PCSK1: variants seen among roughly 807,000 people sequenced by gnomAD.
The protein encoded by PCSK1 is neuroendocrine convertase 1.
A neutral mutation model predicts 90.6 loss-of-function variants in PCSK1; 56 were observed. The ratio of observed to expected loss-of-function variants is 0.62; its 90% CI spans 0.50 to 0.77. The LOEUF is 0.77. Among genes scored for constraint, PCSK1 ranks in the 30% least tolerant of loss-of-function variants. The pLI is 0.00. For synonymous variants in PCSK1, 348 were observed against 342.4 expected (o/e 1.02, Z -0.18); for missense variants, 801 against 932.6 (o/e 0.86, Z 1.84).
intron 9 of PCSK1, among the ~76,000 whole-genome samples, chr5:96,403,989 A>G (rs1295596121): frequency 6.6e-6 from 1 of 152,224 alleles, no homozygotes; most frequent in Admixed American, 6.5e-5. Context: ...TTCCTCACCT[A>G]TTAAAAATTA....
Position 96,392,938 on chromosome 5 carries a change from C to G in PCSK1, c.*63G>C. On this transcript the variant is annotated 3_prime_UTR_variant, in exon 14 of 14. Transcript: ENST00000311106. ...CATGACAAAACAACCACTTCAGACA[C>G]AGGCAAAATCGCAGGGTAAGGAAGA... 1 of 1,550,898 alleles carries G rather than the reference C, an allele frequency of 6.4e-7. No individual in the cohort carries two copies. Among genetic ancestry groups the G allele is most frequent in the Non-Finnish European group, 8.9e-7 (1 of 1,123,902 alleles).
rs868707256 is a variant in PCSK1, at chr5:96,426,024, C to T, written c.286-94G>A. 4.4e-5 allele frequency: 33 copies of T among 746,430 alleles called. 1 individual carries two copies. The Middle Eastern group carries it at 9.9e-4, about 22-fold the overall frequency. 46.2% of individuals were successfully genotyped at this position (746,430 alleles called of 1,614,324 possible). Reference sequence around the variant, plus strand: ...CTCCAGTACCCTTCCCATCAGAGTTCAGGCAGCTCTGCAATATTTTCATTT... The same window carrying T: ...CTCCAGTACCCTTCCCATCAGAGTTTAGGCAGCTCTGCAATATTTTCATTT... On this transcript the variant is annotated intron_variant, in intron 2 of 13. Coordinates refer to ENST00000311106, the MANE Select transcript of PCSK1 (RefSeq NM_000439.5).
chr5:96,415,408 G>A (rs1002378913), intron 6 of PCSK1, among the ~76,000 whole-genome samples: 1 of 152,150 alleles, frequency 6.6e-6, no homozygotes, highest in East Asian at 1.9e-4. Context: ...GCTCCTTGAG[G>A]CTAAAGGTGA....
intron 3 of PCSK1, among the ~76,000 whole-genome samples, chr5:96,423,900 G>T (rs2112441265): frequency 6.6e-6 from 1 of 152,310 alleles, no homozygotes; most frequent in African/African-American, 2.4e-5. Context: ...GAATGTTTTA[G>T]AATTTTTATT....
In PCSK1 at chr5:96,393,193, A is replaced by C. The variant is rs1760011397; in HGVS notation, c.2070T>G (p.Ser690Arg). 3 of 1,613,998 alleles carry C rather than the reference A, an allele frequency of 1.9e-6. No individual in the cohort carries two copies. In the African/African-American group the frequency reaches 4.0e-5, roughly 22 times the overall value. Residue 690 changes from serine (S) to arginine (R), a missense_variant, in exon 14 of 14, where the codon AGT (serine) becomes AGG (arginine). Coordinates refer to ENST00000311106, the MANE Select transcript of PCSK1 (RefSeq NM_000439.5). ...TTTCATAAGGGATGTTGAGCTTTGC[A>C]CTTGGGGACTTCTTTGGTGATTGCT... ...PPKQSPKKSPSAKLNIPYENF... is the reference protein window; with the variant it reads ...PPKQSPKKSPRAKLNIPYENF...
chr5:96,412,756 T>TG (rs372848830), intron 6 of PCSK1, among the ~76,000 whole-genome samples: 37 of 142,300 alleles, frequency 2.6e-4, no homozygotes, highest in African/African-American at 1.0e-3. Flanking sequence ...TGTGATGTTT[T>TG]TTTTTTTTTT....
chr5:96,430,606 G>C (rs1761460326), intron 1 of PCSK1, among the ~76,000 whole-genome samples: 1 of 152,088 alleles, frequency 6.6e-6, no homozygotes, highest in Admixed American at 6.5e-5. Flanking sequence ...ACCCAATATA[G>C]TAATGCTAAA....
At chr5:96,413,773 C>A (rs1333206491) in intron 6 of PCSK1, among the ~76,000 whole-genome samples, 1 of 142,494 alleles carries the variant, frequency 7.0e-6, no homozygotes, top group Non-Finnish European at 1.5e-5. Flanking sequence ...TGCACTCCAG[C>A]CTGGGCAACA....
At chr5:96,399,808 C>A in intron 10 of PCSK1, 145 bp downstream of exon 10, 1 of 688,034 alleles carries the variant, frequency 1.5e-6, no homozygotes, top group African/African-American at 1.8e-5. Flanking sequence ...AGTTAGTCCC[C>A]ATGGATACCC....
At chr5:96,395,108 A>C in intron 12 of PCSK1, 83 bp from the exon 13 acceptor site, 3 of 1,081,330 alleles carry the variant, frequency 2.8e-6, no homozygotes, top group Non-Finnish European at 4.3e-6. Context: ...AAAGGATTTC[A>C]TTGTTAAAAT....
intron 1 of PCSK1, among the ~76,000 whole-genome samples, chr5:96,431,051 T>G (rs1340111288): frequency 6.6e-6 from 1 of 152,198 alleles, no homozygotes; most frequent in Non-Finnish European, 1.5e-5. Flanking sequence ...CGGTTACCAG[T>G]GCTATTTAGC....
intron 2 of PCSK1, among the ~76,000 whole-genome samples, chr5:96,427,489 T>A (rs1354133869): frequency 6.6e-6 from 1 of 152,192 alleles, no homozygotes; most frequent in East Asian, 1.9e-4. Context: ...GGTTCCAGAA[T>A]GTTTCCTAAA....
rs774690560 is a variant in PCSK1 at position 96,393,201 on chromosome 5, A to G, written c.2062T>C (p.Ser688Pro). The G allele has an allele frequency of 6.2e-7, 1 of 1,613,874 alleles. No homozygotes were observed. The highest frequency in any genetic ancestry group is 1.1e-5 in the South Asian group (1 of 91,042). ...NSPPKQSPKK[S>P]PSAKLNIPYE... ...GGGATGTTGAGCTTTGCACTTGGGG[A>G]CTTCTTTGGTGATTGCTTTGGCGGT... is the stretch of plus-strand genomic sequence containing the variant. Residue 688 changes from serine to proline, a missense_variant, in exon 14 of 14, where the codon TCC becomes CCC. Physicochemically the swap from Ser to Pro is moderately conservative, Grantham distance 74. Coordinates refer to ENST00000311106, the MANE Select transcript of PCSK1 (RefSeq NM_000439.5).
At chr5:96,421,597 T>C (rs1442997404) in intron 5 of PCSK1, among the ~76,000 whole-genome samples, 2 of 152,226 alleles carry the variant, frequency 1.3e-5, no homozygotes, top group Non-Finnish European at 2.9e-5. Context: ...GTACTCTTTA[T>C]GTCTCAAACA....
rs147016634 is a variant in PCSK1 at position 96,393,006 on chromosome 5, T to G, written c.2257A>C (p.Asn753His). 121 of 1,614,142 alleles carry G rather than the reference T, an allele frequency of 7.5e-5. No homozygotes were observed. The African/African-American group carries it at 1.4e-3, about 18-fold the overall frequency. Residue 753 changes from asparagine (N) to histidine (H), a missense_variant, in exon 14 of 14, where the codon AAT (asparagine) becomes CAT (histidine). By Grantham distance (68) the Asn-to-His change is moderately conservative. Transcript: ENST00000311106. ...QALVDILNEE[N>H] The stretch of plus-strand genomic sequence containing the variant: ...CTTGGGACCACACACTTATTTTAAT[T>G]TTCCTCATTCAGAATGTCCACCAGA...
intron 11 of PCSK1, among the ~76,000 whole-genome samples, chr5:96,397,971 C>T (rs1207561282): frequency 6.6e-6 from 1 of 151,824 alleles, no homozygotes; most frequent in Non-Finnish European, 1.5e-5. Context: ...GTATTAATTT[C>T]TTAAAGATAT....
At position 96,393,363 on chromosome 5, in the gene PCSK1, C is replaced by G. The variant is rs763774085; in HGVS notation, c.1900G>C (p.Glu634Gln). The G allele has an allele frequency of 1.4e-5, 23 of 1,613,838 alleles. No individual in the cohort carries two copies. The South Asian group carries it at 2.4e-4, about 17-fold the overall frequency. The change falls in exon 14 of 14, where the codon GAG (glutamate) becomes CAG (glutamine). Residue 634 changes from glutamate (E) to glutamine (Q), a missense_variant. Coordinates refer to ENST00000311106, the MANE Select transcript of PCSK1 (RefSeq NM_000439.5). ...VDPGEEQPTQENPKENTLVSK... is the reference protein window; with the variant it reads ...VDPGEEQPTQQNPKENTLVSK... ...ACCAGGGTGTTCTCCTTAGGGTTCT[C>G]TTGTGTGGGCTGCTCCTAAAACATA... is the stretch of plus-strand genomic sequence containing the variant.
chr5:96,419,772 A>G (rs1761061441), intron 5 of PCSK1, among the ~76,000 whole-genome samples: 1 of 151,946 alleles, frequency 6.6e-6, no homozygotes, highest in Non-Finnish European at 1.5e-5. Flanking sequence ...CAGGGAAATT[A>G]TATTTTATTT....
chr5:96,416,197 G>T, intron 5 of PCSK1, 76 bp from the exon 6 acceptor site: 1 of 978,956 alleles, frequency 1.0e-6, no homozygotes, highest in Non-Finnish European at 1.6e-6. Flanking sequence ...GAATTAATGG[G>T]GCATAGGTAT....
Sources: allele counts gnomAD v4.1 joint callset (sites outside exome capture counted in the v4.1 genomes callset), GRCh38; gene constraint gnomAD v4.1.1; transcripts MANE v1.5; gene names NCBI Gene and HGNC (gene_info 2026-07-23, HGNC 2026-07-21).